Variants in AGTPBP1 observed in about 807,000 individuals in gnomAD.
AGTPBP1 encodes the protein ATP/GTP binding carboxypeptidase 1.
In AGTPBP1, 70 loss-of-function variants were observed where a neutral mutation model predicts 143.9. The observed-to-expected ratio is 0.49, with a 90% CI of 0.40 to 0.59. AGTPBP1 has a LOEUF of 0.59. AGTPBP1 is among the 20% of genes least tolerant of loss of function. AGTPBP1 has a pLI of 0.00. For missense variants in AGTPBP1, 1,229 were observed against 1,464.5 expected (o/e 0.84, Z 2.62); for synonymous variants, 463 against 500.2 (o/e 0.93, Z 0.99).
chr9:85,795,209 CTA>C, the AGTPBP1 span, among the ~76,000 whole-genome samples: 1 of 152,080 alleles, frequency 6.6e-6, no homozygotes, highest in Non-Finnish European at 1.5e-5. Context: ...CATTTGTAGT[CTA>C]TAGTATGAGA....
chr9:85,606,689 T>C (rs1031649860), intron 17 of AGTPBP1, among the ~76,000 whole-genome samples: 20 of 151,754 alleles, frequency 1.3e-4, no homozygotes, highest in African/African-American at 4.8e-4. Flanking sequence ...ATATAGAAAA[T>C]GATATATATA....
intron 2 of AGTPBP1, among the ~76,000 whole-genome samples, chr9:85,695,873 G>A (rs1474757885): frequency 1.3e-5 from 2 of 149,524 alleles, no homozygotes; most frequent in Non-Finnish European, 3.0e-5. Flanking sequence ...ACAGAGTCTC[G>A]CGCTGTTGCC....
At position 85,610,418 on chromosome 9, in the gene AGTPBP1, G is replaced by A. The variant is rs1830247451; in HGVS notation, c.2335+8565C>T. ...CTCTTTACAATTGAAAATACAGTGT[G>A]AAACATAAATATTTTTAAACTGCTT... is the stretch of plus-strand genomic sequence containing the variant. On this transcript the variant is annotated intron_variant, in intron 17 of 25. Transcript: ENST00000357081. Among the ~76,000 whole-genome samples, 4 of 152,126 alleles carry A rather than the reference G, an allele frequency of 2.6e-5. No individual in the cohort carries two copies. The South Asian group carries it at 8.3e-4, about 31-fold the overall frequency.
chr9:85,717,870 G>A (rs553998603), intron 1 of AGTPBP1, among the ~76,000 whole-genome samples: 2 of 149,348 alleles, frequency 1.3e-5, no homozygotes, highest in Admixed American at 6.7e-5. Flanking sequence ...GATGTTCCCC[G>A]CCCTGTGTCC....
At chr9:85,753,753 AATAAATAGATAG>A in the AGTPBP1 span, among the ~76,000 whole-genome samples, 181 of 123,498 alleles carry the variant, frequency 1.5e-3, 1 homozygote, top group African/African-American at 5.4e-3. Flanking sequence ...ACTCCCTCTC[AATAAATAGATAG>A]ATAGATAGAT....
chr9:85,622,101 G>C (rs111503874), intron 14 of AGTPBP1, among the ~76,000 whole-genome samples: 10 of 152,324 alleles, frequency 6.6e-5, no homozygotes, highest in African/African-American at 2.4e-4. Context: ...AGTCCTGCTA[G>C]TGTTAATACA....
intron 14 of AGTPBP1, among the ~76,000 whole-genome samples, chr9:85,624,335 T>C (rs1334676084): frequency 6.6e-6 from 1 of 152,200 alleles, no homozygotes; most frequent in East Asian, 1.9e-4. Context: ...GCTCTGCCAT[T>C]TACCAGTAGT....
At chr9:85,696,666 CAA>C (rs989968035) in intron 2 of AGTPBP1, among the ~76,000 whole-genome samples, 1 of 131,528 alleles carries the variant, frequency 7.6e-6, no homozygotes, top group Non-Finnish European at 1.6e-5. Flanking sequence ...GACTCCGTCT[CAA>C]AAAAAAAAAA....
chr9:85,747,590 TCTTTA>T, the AGTPBP1 span, among the ~76,000 whole-genome samples: 2 of 150,006 alleles, frequency 1.3e-5, no homozygotes, highest in Admixed American at 1.3e-4. Flanking sequence ...GTATTTTACC[TCTTTA>T]CTTAAACTTG....
At chr9:85,688,040 A>G (rs1453325988) in intron 3 of AGTPBP1, among the ~76,000 whole-genome samples, 1 of 145,346 alleles carries the variant, frequency 6.9e-6, no homozygotes, top group Non-Finnish European at 1.5e-5. Flanking sequence ...CAGTGAGCCG[A>G]GATCACACCA....
the AGTPBP1 span, among the ~76,000 whole-genome samples, chr9:85,769,140 C>A: frequency 2.0e-5 from 3 of 151,582 alleles, no homozygotes. Context: ...GTCCTGTAAC[C>A]AAGGACACAT....
the AGTPBP1 span, among the ~76,000 whole-genome samples, chr9:85,799,280 G>A: frequency 1.4e-4 from 21 of 152,140 alleles, no homozygotes; most frequent in African/African-American, 4.6e-4. Flanking sequence ...GAATAGTGCC[G>A]CAATAAACAT....
At chr9:85,796,708 TA>T in the AGTPBP1 span, among the ~76,000 whole-genome samples, 4 of 152,304 alleles carry the variant, frequency 2.6e-5, no homozygotes, top group African/African-American at 9.6e-5. Context: ...ATGATGTGAT[TA>T]TTACACATTG....
At chr9:85,587,729 G>C (rs1828704304) in intron 21 of AGTPBP1, among the ~76,000 whole-genome samples, 1 of 152,090 alleles carries the variant, frequency 6.6e-6, no homozygotes, top group African/African-American at 2.4e-5. Flanking sequence ...ATCTTTCAGA[G>C]TGGCACTACA....
intron 1 of AGTPBP1, among the ~76,000 whole-genome samples, chr9:85,730,163 A>G (rs1399743482): frequency 6.6e-6 from 1 of 152,198 alleles, no homozygotes; most frequent in Non-Finnish European, 1.5e-5. Flanking sequence ...GTTCTGTGGT[A>G]AGATGTGAGA....
At chr9:85,764,921 C>G in the AGTPBP1 span, 1 of 1,033,996 alleles carries the variant, frequency 9.7e-7, no homozygotes, top group Non-Finnish European at 1.5e-6. Flanking sequence ...GTGTTATCAC[C>G]TGAAGTAAGT....
chr9:85,635,339 A>G (rs971199379), intron 13 of AGTPBP1, among the ~76,000 whole-genome samples: 12 of 152,210 alleles, frequency 7.9e-5, no homozygotes, highest in African/African-American at 2.7e-4. Context: ...GATGATTCAC[A>G]GGATCCCCTG....
chr9:85,744,696 A>G (rs1824561519), upstream of AGTPBP1, among the ~76,000 whole-genome samples: 1 of 152,078 alleles, frequency 6.6e-6, no homozygotes, highest in South Asian at 2.1e-4. Context: ...TGGTGGCTCC[A>G]CCCCATTCCC....
At chr9:85,792,466 T>A in the AGTPBP1 span, among the ~76,000 whole-genome samples, 1 of 152,218 alleles carries the variant, frequency 6.6e-6, no homozygotes, top group Non-Finnish European at 1.5e-5. Context: ...TCTGAATTGT[T>A]CCATTCAAGG....
Sources: allele counts gnomAD v4.1 joint callset (sites outside exome capture counted in the v4.1 genomes callset), GRCh38; gene constraint gnomAD v4.1.1; transcripts MANE v1.5; gene names NCBI Gene and HGNC (gene_info 2026-07-23, HGNC 2026-07-21).